Variants in SLC16A7 observed in about 807,000 individuals in gnomAD.
SLC16A7 encodes solute carrier family 16 member 7, also known as monocarboxylate transporter 2.
In SLC16A7, 33 loss-of-function variants were observed where a neutral mutation model predicts 34.9. The ratio of observed to expected loss-of-function variants is 0.94; its 90% confidence interval spans 0.72 to 1.26. The LOEUF (loss-of-function observed/expected upper bound fraction) is 1.26, where lower values mean the gene tolerates loss of function less well. SLC16A7 is among the 50% of genes most tolerant of loss of function. The pLI is 0.00. For synonymous variants in SLC16A7, 201 were observed against 206.6 expected (o/e 0.97, Z 0.23); for missense variants, 573 against 578.1 (o/e 0.99, Z 0.09).
intron 1 of SLC16A7, among the ~76,000 whole-genome samples, chr12:59,633,423 T>C (rs915019152): frequency 7.2e-5 from 11 of 152,032 alleles, no homozygotes; most frequent in African/African-American, 2.4e-4. Flanking sequence ...AAGAGAGATA[T>C]TGTTACTTAA....
intron 3 of SLC16A7, among the ~76,000 whole-genome samples, chr12:59,711,396 A>G (rs1470749939): frequency 1.3e-5 from 2 of 152,222 alleles, no homozygotes; most frequent in Non-Finnish European, 2.9e-5. Flanking sequence ...ATAGCTAGCT[A>G]GCAAGCTGCA....
intron 2 of SLC16A7, among the ~76,000 whole-genome samples, chr12:59,671,712 A>G (rs919327061): frequency 2.7e-5 from 4 of 146,160 alleles, no homozygotes; most frequent in African/African-American, 7.5e-5. Flanking sequence ...GTATATATAT[A>G]TGTGTATATA....
At chr12:59,741,416 C>A (rs916953607) in intron 3 of SLC16A7, among the ~76,000 whole-genome samples, 3 of 152,138 alleles carry the variant, frequency 2.0e-5, no homozygotes, top group African/African-American at 7.2e-5. Flanking sequence ...GAAATTTCCC[C>A]TTCTTTGCTC....
chr12:59,715,036 C>T (rs997503853), intron 3 of SLC16A7, among the ~76,000 whole-genome samples: 1 of 152,176 alleles, frequency 6.6e-6, no homozygotes, highest in Non-Finnish European at 1.5e-5. Context: ...TAGTTCGTAA[C>T]AGGTACTAGG....
rs1402720963 is a variant in SLC16A7 at position 59,783,945 on chromosome 12, C to G, written c.*4266C>G. On this transcript the variant is annotated 3_prime_UTR_variant, in exon 6 of 6. Coordinates refer to ENST00000547379, the MANE Select transcript of SLC16A7 (RefSeq NM_001270623.2). ...TCACTCGCCTCTGCCTCCCAAAGTG[C>G]TGGGATTACAGGCGTGAGCCACTGC... 1.3e-5 allele frequency: 2 copies of G among 152,180 alleles called. No individual in the cohort carries two copies. Among genetic ancestry groups the G allele is most frequent in the Admixed American group, 1.3e-4 (2 of 15,248 alleles). The allele number at this position is 152,180 out of a possible 1,614,324, so 9.4% of individuals were successfully genotyped here.
chr12:59,667,794 T>C (rs1592456720), intron 2 of SLC16A7, among the ~76,000 whole-genome samples: 1 of 152,116 alleles, frequency 6.6e-6, no homozygotes, highest in South Asian at 2.1e-4. Flanking sequence ...TGGCAGCCCC[T>C]CCCATCACAG....
chr12:59,596,346 G>A lies in SLC16A7; in HGVS notation c.-130+110G>A, dbSNP rs59067487. 6.6e-6 allele frequency: 1 copy of A among 152,546 alleles called. No homozygotes were observed. Among genetic ancestry groups the A allele is most frequent in the Admixed American group, 6.5e-5 (1 of 15,286 alleles). The allele number at this position is 152,546 out of a possible 1,614,324, so 9.4% of individuals were successfully genotyped here. On this transcript the variant is annotated intron_variant, in intron 1 of 5. Coordinates refer to ENST00000547379, the MANE Select transcript of SLC16A7 (RefSeq NM_001270623.2). This position sits in a 1 kb window ranked among gnomAD's most constrained non-coding sequence, Gnocchi z 5.0. ...CCGAGCTGCCCGCGGAGCCGCACGC[G>A]TGTGTGCAAATAATGGCCAGCCTGT...
chr12:59,705,577 T>C (rs529927786), intron 3 of SLC16A7, among the ~76,000 whole-genome samples: 2 of 152,300 alleles, frequency 1.3e-5, no homozygotes, highest in South Asian at 4.1e-4. Flanking sequence ...GGAAATTATC[T>C]TATTACATTC....
intron 2 of SLC16A7, among the ~76,000 whole-genome samples, chr12:59,687,948 G>A (rs749271120): frequency 4.6e-5 from 7 of 151,906 alleles, no homozygotes; most frequent in Non-Finnish European, 1.0e-4. Flanking sequence ...TATGAGTAGG[G>A]GACAAATAAG....
At chr12:59,723,950 C>T (rs942441808) in intron 3 of SLC16A7, among the ~76,000 whole-genome samples, 1 of 151,742 alleles carries the variant, frequency 6.6e-6, no homozygotes. Flanking sequence ...TCTTTTCATT[C>T]TTAAACAGGC....
chr12:59,769,197 A>G (rs1401947312), intron 3 of SLC16A7: 2 of 152,162 alleles, frequency 1.3e-5, no homozygotes, highest in Non-Finnish European at 2.9e-5. Flanking sequence ...ATATAATTCA[A>G]TGCACACTTA....
chr12:59,776,119 G>C (rs1328843720), intron 5 of SLC16A7, among the ~76,000 whole-genome samples: 2 of 152,080 alleles, frequency 1.3e-5, no homozygotes, highest in African/African-American at 4.8e-5. Flanking sequence ...GCCAATAAAA[G>C]TGTCTGTGCT....
intron 1 of SLC16A7, among the ~76,000 whole-genome samples, chr12:59,630,716 AAT>A (rs1880144044): frequency 6.6e-6 from 1 of 151,930 alleles, no homozygotes; most frequent in African/African-American, 2.4e-5. Flanking sequence ...TCAAATTTCT[AAT>A]AGAGTTTTTT....
At chr12:59,761,196 T>C in intron 3 of SLC16A7, 3 of 1,254,672 alleles carry the variant, frequency 2.4e-6, no homozygotes, top group Non-Finnish European at 3.1e-6. Context: ...ATCAGGATCA[T>C]GCCTAGGTAC....
At chr12:59,765,662 T>C (rs150145688) in intron 3 of SLC16A7, among the ~76,000 whole-genome samples, 1 of 152,172 alleles carries the variant, frequency 6.6e-6, no homozygotes, top group Non-Finnish European at 1.5e-5. Flanking sequence ...GCATTATTTC[T>C]GAGGGCTCTG....
chr12:59,731,333 T>C (rs996523041), intron 3 of SLC16A7, among the ~76,000 whole-genome samples: 3 of 152,224 alleles, frequency 2.0e-5, no homozygotes, highest in African/African-American at 4.8e-5. Context: ...CATTTGAATT[T>C]CAAACAATTT....
At chr12:59,644,685 T>A (rs1391102975) in intron 1 of SLC16A7, among the ~76,000 whole-genome samples, 1 of 152,160 alleles carries the variant, frequency 6.6e-6, no homozygotes, top group Admixed American at 6.5e-5. Context: ...TGCAAAAAAA[T>A]TTCTAAGTTA....
chr12:59,619,594 T>G (rs946591821), intron 1 of SLC16A7, among the ~76,000 whole-genome samples: 13 of 152,038 alleles, frequency 8.6e-5, no homozygotes, highest in African/African-American at 3.1e-4. Context: ...TGCTGACAGA[T>G]TTTAAGATAA....
chr12:59,659,612 C>T (rs1312180604), intron 2 of SLC16A7, among the ~76,000 whole-genome samples: 1 of 152,024 alleles, frequency 6.6e-6, no homozygotes, highest in African/African-American at 2.4e-5. Flanking sequence ...CCCTTTGATT[C>T]ATCTATTTAA....
Sources: allele counts gnomAD v4.1 joint callset (sites outside exome capture counted in the v4.1 genomes callset), GRCh38; gene constraint gnomAD v4.1.1; non-coding constraint Gnocchi (gnomAD v3.1); transcripts MANE v1.5; gene names NCBI Gene and HGNC (gene_info 2026-07-23, HGNC 2026-07-21).